FSD1L: variants seen among roughly 807,000 people sequenced by gnomAD.
FSD1L encodes fibronectin type III and SPRY domain containing 1 like.
FSD1L carries 45 observed loss-of-function variants against 71.6 expected under a neutral mutation model. That is an observed-to-expected ratio of 0.63 (90% confidence interval 0.49 to 0.81). The LOEUF is 0.81. Among genes scored for constraint, FSD1L ranks in the 30% least tolerant of loss-of-function variants. The probability of loss-of-function intolerance (pLI) is 0.00; values close to 1 mark genes in which losing one functional copy is unlikely to be tolerated. For synonymous variants in FSD1L, 197 were observed against 207.2 expected (o/e 0.95, Z 0.42); for missense variants, 561 against 618.1 (o/e 0.91, Z 0.98).
At position 105,471,898 on chromosome 9, in the gene FSD1L, C is replaced by G; in HGVS notation, c.340-6C>G. 2 of 792,160 alleles carry G rather than the reference C, an allele frequency of 2.5e-6. No individual in the cohort carries two copies. The highest frequency in any genetic ancestry group is 3.4e-6 in the Non-Finnish European group (2 of 593,882). 49.1% of individuals were successfully genotyped at this position (792,160 alleles called of 1,614,324 possible). ...AATGACTTAGTTTTTTTTTTTTTTTCCCTAGAGTCAGATTAGTCAATGTAA... is the reference window on the plus strand; with the variant it reads ...AATGACTTAGTTTTTTTTTTTTTTTGCCTAGAGTCAGATTAGTCAATGTAA... On this transcript the variant is annotated splice_region_variant and splice_polypyrimidine_tract_variant and intron_variant, in intron 4 of 13. Coordinates refer to ENST00000481272, the MANE Select transcript of FSD1L (RefSeq NM_001145313.3).
At chr9:105,498,766 G>T (rs1833584054) in intron 7 of FSD1L, among the ~76,000 whole-genome samples, 1 of 151,970 alleles carries the variant, frequency 6.6e-6, no homozygotes, top group Admixed American at 6.6e-5. Flanking sequence ...TTTATTCTTT[G>T]ACTATGTGTT....
intron 10 of FSD1L, chr9:105,522,645 A>G: frequency 3.1e-6 from 5 of 1,612,594 alleles, no homozygotes; most frequent in Non-Finnish European, 4.2e-6. Context: ...AAGTAGCAGC[A>G]CTTCTGACAT....
chr9:105,486,976 C>T (rs892409563), intron 7 of FSD1L, among the ~76,000 whole-genome samples: 1 of 152,008 alleles, frequency 6.6e-6, no homozygotes, highest in South Asian at 2.1e-4. Flanking sequence ...TAATTTTTGG[C>T]GATATCATGT....
At chr9:105,456,434 A>G (rs1415048147) in intron 1 of FSD1L, among the ~76,000 whole-genome samples, 2 of 152,240 alleles carry the variant, frequency 1.3e-5, no homozygotes, top group Non-Finnish European at 2.9e-5. Flanking sequence ...ACTTAAGAGT[A>G]CCAAAGTGCT....
intron 10 of FSD1L, chr9:105,524,621 G>A: frequency 6.2e-7 from 1 of 1,613,872 alleles, no homozygotes; most frequent in East Asian, 2.2e-5. Context: ...TCTCTGATTT[G>A]GCATCTGTAG....
At chr9:105,469,579 T>C (rs1309695032) in intron 4 of FSD1L, among the ~76,000 whole-genome samples, 1 of 152,090 alleles carries the variant, frequency 6.6e-6, no homozygotes, top group African/African-American at 2.4e-5. Context: ...TTTAGAGAAG[T>C]GTCTATTCAG....
intron 7 of FSD1L, 96 bp downstream of exon 7, chr9:105,484,598 GTA>G (rs1161132655): frequency 1.4e-5 from 10 of 701,396 alleles, no homozygotes; most frequent in Non-Finnish European, 2.1e-5. Flanking sequence ...TATTAAGGAA[GTA>G]TAGTGTGATT....
At chr9:105,493,118 T>C (rs1833076672) in intron 7 of FSD1L, among the ~76,000 whole-genome samples, 1 of 152,190 alleles carries the variant, frequency 6.6e-6, no homozygotes, top group South Asian at 2.1e-4. Flanking sequence ...TCTCCCATTA[T>C]TATTGTGTGG....
intron 10 of FSD1L, chr9:105,521,050 T>C (rs1835117303): frequency 6.2e-7 from 1 of 1,613,156 alleles, no homozygotes; most frequent in Non-Finnish European, 8.5e-7. Flanking sequence ...TATCATCCTA[T>C]ACTTGACATC....
At chr9:105,471,742 A>ATATG (rs1036666890) in intron 4 of FSD1L, among the ~76,000 whole-genome samples, 162 bp from the exon 5 acceptor site, 1 of 147,674 alleles carries the variant, frequency 6.8e-6, no homozygotes, top group African/African-American at 2.5e-5. Context: ...ATATATATAT[A>ATATG]TATAACTTGA....
intron 1 of FSD1L, among the ~76,000 whole-genome samples, chr9:105,451,416 C>G (rs1829997801): frequency 6.6e-6 from 1 of 152,176 alleles, no homozygotes; most frequent in Non-Finnish European, 1.5e-5. Context: ...ACTAGGCAGT[C>G]TTACAGAAGC....
chr9:105,524,648 G>C, intron 10 of FSD1L: 1 of 1,613,908 alleles, frequency 6.2e-7, no homozygotes, highest in Non-Finnish European at 8.5e-7. Flanking sequence ...ATCCTTTTAT[G>C]CATTTGGAAA....
chr9:105,456,518 G>A (rs780073273), intron 1 of FSD1L, among the ~76,000 whole-genome samples: 7 of 152,286 alleles, frequency 4.6e-5, no homozygotes, highest in South Asian at 2.1e-4. Context: ...GCTGTGCTGC[G>A]TTGAAGAGAG....
At position 105,513,721 on chromosome 9, in the gene FSD1L, G is replaced by C; in HGVS notation, c.1025+785G>C. 4 of 1,004,448 alleles carry C rather than the reference G, an allele frequency of 4.0e-6. No individual in the cohort carries two copies. In the African/African-American group the frequency reaches 4.9e-5, roughly 12 times the overall value. The allele number at this position is 1,004,448 out of a possible 1,614,324, so 62.2% of individuals were successfully genotyped here. A position where few individuals can be genotyped will look rare whatever the true frequency, so the allele number is the denominator to read the frequency against. ...TTTAATTTTATCTTTTAACCAATAAGCAGAAGCCATTGCGGCAGCCTTCAT... is the reference window on the plus strand; with the variant it reads ...TTTAATTTTATCTTTTAACCAATAACCAGAAGCCATTGCGGCAGCCTTCAT... On this transcript the variant is annotated intron_variant, in intron 10 of 13. Coordinates refer to ENST00000481272, the MANE Select transcript of FSD1L (RefSeq NM_001145313.3).
At chr9:105,480,026 T>C (rs1832067874) in intron 6 of FSD1L, among the ~76,000 whole-genome samples, 4 of 152,230 alleles carry the variant, frequency 2.6e-5, no homozygotes, top group African/African-American at 9.6e-5. Context: ...AAGGAGTTGC[T>C]GGCAACATTT....
At chr9:105,468,006 A>G (rs1237505174) in intron 3 of FSD1L, among the ~76,000 whole-genome samples, 187 bp from the exon 4 acceptor site, 2 of 152,236 alleles carry the variant, frequency 1.3e-5, no homozygotes, top group African/African-American at 4.8e-5. Context: ...TATTGTTAGC[A>G]TTAGCGGGCA....
chr9:105,467,272 A>G (rs7047791), intron 3 of FSD1L, among the ~76,000 whole-genome samples: 19,456 of 152,176 alleles, frequency 0.13, 1,620 homozygotes, highest in East Asian at 0.46. Flanking sequence ...TTGGACATAT[A>G]ATATTACAGT....
intron 2 of FSD1L, among the ~76,000 whole-genome samples, chr9:105,462,309 G>A (rs1187114162): frequency 3.7e-5 from 5 of 135,106 alleles, no homozygotes; most frequent in Non-Finnish European, 6.3e-5. Context: ...TCCACCTCCC[G>A]GGTTCAAGCA....
chr9:105,492,798 A>G (rs893488000), intron 7 of FSD1L, among the ~76,000 whole-genome samples: 3 of 152,222 alleles, frequency 2.0e-5, no homozygotes, highest in Admixed American at 6.5e-5. Flanking sequence ...GTTTCCATGT[A>G]GTTGAATGGT....
Sources: gnomAD v4.1 joint callset for allele counts (sites outside exome capture counted in the v4.1 genomes callset) on GRCh38, gnomAD v4.1.1 for gene constraint, MANE v1.5 for transcripts, NCBI Gene and HGNC (gene_info 2026-07-23, HGNC 2026-07-21) for gene names.